Variants in PES1 observed in about 807,000 individuals in gnomAD.
PES1 encodes pescadillo ribosomal biogenesis factor 1, also known as pescadillo homolog.
PES1 carries 31 observed loss-of-function variants against 77.1 expected under a neutral mutation model. That is an observed-to-expected ratio of 0.40 (90% CI 0.30 to 0.54). The LOEUF (loss-of-function observed/expected upper bound fraction) is 0.54, where lower values mean the gene tolerates loss of function less well. Ranked by LOEUF, PES1 falls within the 20% of genes least tolerant of loss-of-function variation. The probability of loss-of-function intolerance (pLI) is 0.45; values close to 1 mark genes in which losing one functional copy is unlikely to be tolerated. For missense variants in PES1, 658 were observed against 771.7 expected (o/e 0.85, Z 1.75); for synonymous variants, 282 against 303.0 (o/e 0.93, Z 0.72).
chr22:30,593,014 C>T (rs571130872), upstream of PES1, among the ~76,000 whole-genome samples: 10 of 150,932 alleles, frequency 6.6e-5, no homozygotes, highest in South Asian at 1.9e-3. Flanking sequence ...AAATTTCGTT[C>T]GAAGATGATC....
Position 30,579,826 on chromosome 22 carries a change from C to T in PES1, c.1279G>A (p.Val427Met). The T allele has an allele frequency of 6.2e-7, 1 of 1,614,098 alleles. No homozygotes were observed. Among genetic ancestry groups the T allele is most frequent in the Non-Finnish European group, 8.5e-7 (1 of 1,180,040 alleles). ...VQLPPHLSPFVTEKEGDYVPP... is the reference protein window; with the variant it reads ...VQLPPHLSPFMTEKEGDYVPP... ...ACGTAATCTCCTTCCTTCTCGGTCA[C>T]AAAGGGTGAAAGGTGTGGGGGCAGC... The change falls in exon 12 of 15, where the codon GTG becomes ATG. Residue 427 changes from valine (V) to methionine (M), a missense_variant. Coordinates refer to ENST00000354694, the MANE Select transcript of PES1 (RefSeq NM_014303.4).
At chr22:30,584,482 G>A in intron 5 of PES1, 28 bp from the exon 6 acceptor site, 1 of 1,609,716 alleles carries the variant, frequency 6.2e-7, no homozygotes, top group Non-Finnish European at 8.5e-7. Context: ...ACATCTGGGT[G>A]AAGACCATGG....
At chr22:30,585,204 G>C (rs1490736445) in intron 4 of PES1, 2 of 467,954 alleles carry the variant, frequency 4.3e-6, no homozygotes, top group African/African-American at 4.0e-5. Flanking sequence ...GCCAGCGTAG[G>C]TTATGTCTTC....
rs769975713 is a variant in PES1 at position 30,581,606 on chromosome 22, G to A, written c.669C>T (p.Phe223=). 9 of 1,584,112 alleles carry A rather than the reference G, an allele frequency of 5.7e-6. No individual in the cohort carries two copies. Among genetic ancestry groups the A allele is most frequent in the Non-Finnish European group, 7.7e-6 (9 of 1,167,060 alleles). The change falls in exon 7 of 15, where the codon TTC becomes TTT. Residue 223 remains phenylalanine (F), a synonymous_variant. Coordinates refer to ENST00000354694, the MANE Select transcript of PES1 (RefSeq NM_014303.4). ...CCAGCAGCGTGGTGTAGAACTCGGT[G>A]AAGGTGGCCATGACCCTGTAGTCCA... The part of the protein sequence containing the change: ...TDVDYRVMAT[F]TEFYTTLLGF...
intron 4 of PES1, chr22:30,585,488 G>A: frequency 6.4e-6 from 2 of 313,854 alleles, no homozygotes; most frequent in South Asian, 5.0e-5. Context: ...CTGGGCTCTT[G>A]CAGCTCCCTA....
chr22:30,597,566 G>T (rs890862813), intron 2 of PES1, among the ~76,000 whole-genome samples: 14 of 151,014 alleles, frequency 9.3e-5, no homozygotes, highest in African/African-American at 3.2e-4. Flanking sequence ...TCTATATCTA[G>T]CTCAAGGTAT....
intron 2 of PES1, among the ~76,000 whole-genome samples, chr22:30,604,531 G>A (rs1183387327): frequency 1.3e-5 from 2 of 152,066 alleles, no homozygotes; most frequent in African/African-American, 2.4e-5. Flanking sequence ...TACTCAAGAG[G>A]TTGAGGCAGG....
intron 1 of PES1, among the ~76,000 whole-genome samples, chr22:30,590,961 G>C (rs1458402527): frequency 6.6e-6 from 1 of 152,162 alleles, no homozygotes; most frequent in Non-Finnish European, 1.5e-5. Context: ...GTTGGGTTAA[G>C]AACACTGGCA....
In PES1 at chr22:30,591,854, A is replaced by T. The variant is rs1344499727; in HGVS notation, c.-21T>A. On this transcript the variant is annotated 5_prime_UTR_variant, in exon 1 of 15. Coordinates refer to ENST00000354694, the MANE Select transcript of PES1 (RefSeq NM_014303.4). Reference sequence around the variant, plus strand: ...CCCATCGCTCCACGTTGAGGAGCCGACTAGGGCCGCGCGTACAGGGAGCTC... The same window carrying T: ...CCCATCGCTCCACGTTGAGGAGCCGTCTAGGGCCGCGCGTACAGGGAGCTC... The T allele has an allele frequency of 6.4e-7, 1 of 1,550,872 alleles. No homozygotes were observed. Among genetic ancestry groups the T allele is most frequent in the East Asian group, 2.4e-5 (1 of 41,280 alleles).
chr22:30,593,990 G>A (rs539011174), upstream of PES1, among the ~76,000 whole-genome samples: 1 of 152,270 alleles, frequency 6.6e-6, no homozygotes, highest in South Asian at 2.1e-4. Context: ...TCCATAAAGG[G>A]AAGAGGTTTT....
intron 2 of PES1, among the ~76,000 whole-genome samples, chr22:30,601,397 G>A (rs553984452): frequency 1.2e-3 from 180 of 151,664 alleles, no homozygotes; most frequent in Admixed American, 3.7e-3. Flanking sequence ...TCACAGCAGC[G>A]TTCGCCTCCT....
intron 10 of PES1, 77 bp downstream of exon 10, chr22:30,580,494 C>G: frequency 1.9e-6 from 3 of 1,557,784 alleles, no homozygotes; most frequent in Non-Finnish European, 2.6e-6. Context: ...CCCAATGTTA[C>G]CGATGGGCAC....
chr22:30,578,111 C>T (rs2086929606), intron 14 of PES1, among the ~76,000 whole-genome samples: 5 of 152,148 alleles, frequency 3.3e-5, no homozygotes, highest in Non-Finnish European at 7.4e-5. Context: ...AGTAAAACCC[C>T]GTCTCTACTA....
At chr22:30,597,835 C>A (rs367597952) in intron 2 of PES1, among the ~76,000 whole-genome samples, 5 of 151,054 alleles carry the variant, frequency 3.3e-5, no homozygotes, top group Non-Finnish European at 5.9e-5. Context: ...CTGCCCGACT[C>A]AGCTGTGGTA....
At chr22:30,589,010 C>T (rs1289047466) in intron 2 of PES1, among the ~76,000 whole-genome samples, 181 bp downstream of exon 2, 1 of 151,708 alleles carries the variant, frequency 6.6e-6, no homozygotes, top group Non-Finnish European at 1.5e-5. Context: ...CAGTTCAGTT[C>T]TCCTCCATTT....
At chr22:30,594,069 A>G (rs1387808607), upstream of PES1, among the ~76,000 whole-genome samples, 1 of 152,222 alleles carries the variant, frequency 6.6e-6, no homozygotes, top group Non-Finnish European at 1.5e-5. Context: ...ATTACGGTGA[A>G]AAGCCCAGTC....
At chr22:30,587,116 T>C (rs2087102717) in intron 4 of PES1, 170 bp downstream of exon 4, 1 of 599,266 alleles carries the variant, frequency 1.7e-6, no homozygotes, top group African/African-American at 1.9e-5. Context: ...ACTACAAACC[T>C]CGTAATCATT....
chr22:30,578,849 T>A lies in PES1; in HGVS notation c.1671A>T (p.Arg557=). The A allele has an allele frequency of 6.2e-7, 1 of 1,612,350 alleles. No homozygotes were observed. Among genetic ancestry groups the A allele is most frequent in the Non-Finnish European group, 8.5e-7 (1 of 1,180,008 alleles). ...GGCAAGAACTCACCTCTCGGATTTT[T>A]CGCCTCTTGCCAAACATGATCTTCT... ...LYQKIMFGKR[R]KIREANKLAE... The change falls in exon 14 of 15, where the codon CGA becomes CGT. Residue 557 remains arginine (R), a synonymous_variant. Coordinates refer to ENST00000354694, the MANE Select transcript of PES1 (RefSeq NM_014303.4).
At chr22:30,598,096 GA>G (rs1309442201) in intron 2 of PES1, among the ~76,000 whole-genome samples, 2 of 152,046 alleles carry the variant, frequency 1.3e-5, no homozygotes, top group Non-Finnish European at 2.9e-5. Context: ...TTTTAGCCGG[GA>G]TGGTCTCGAT....
Sources: allele counts gnomAD v4.1 joint callset (sites outside exome capture counted in the v4.1 genomes callset), GRCh38; gene constraint gnomAD v4.1.1; transcripts MANE v1.5; gene names NCBI Gene and HGNC (gene_info 2026-07-23, HGNC 2026-07-21).